SKP2: variants seen among roughly 807,000 people sequenced by gnomAD.
SKP2 encodes S-phase kinase-associated protein 2.
Under a neutral mutation model 51.8 loss-of-function variants are expected in SKP2, and 16 were observed. That is an observed-to-expected ratio of 0.31 (90% CI 0.21 to 0.47). The LOEUF (loss-of-function observed/expected upper bound fraction) is 0.47. Among genes scored for constraint, SKP2 ranks in the 20% least tolerant of loss-of-function variants. The pLI is 1.00. For missense variants in SKP2, 377 were observed against 505.3 expected, an observed-to-expected ratio of 0.75 and a Z score of 2.43; for synonymous variants, 176 against 198.6, an observed-to-expected ratio of 0.89 and a Z score of 0.96.
chr5:36,191,392 C>CTT (rs201765544), intron 6 of SKP2, among the ~76,000 whole-genome samples: 257 of 122,158 alleles, frequency 2.1e-3, no homozygotes, highest in African/African-American at 7.0e-3. Flanking sequence ...TCATCAAGTT[C>CTT]TTTTTTTTTT....
At chr5:36,178,552 T>C (rs1745705087) in intron 9 of SKP2, among the ~76,000 whole-genome samples, 1 of 152,100 alleles carries the variant, frequency 6.6e-6, no homozygotes, top group African/African-American at 2.4e-5. Flanking sequence ...TTTAAATTCA[T>C]GCGCATGAAA....
At chr5:36,186,666 T>A (rs948180235), downstream of SKP2, among the ~76,000 whole-genome samples, 1 of 149,716 alleles carries the variant, frequency 6.7e-6, no homozygotes, top group Non-Finnish European at 1.5e-5. Flanking sequence ...TATTGAGGAT[T>A]TTTGCATTGG....
chr5:36,183,436 T>G lies in SKP2; in HGVS notation c.*1405T>G, dbSNP rs1050050791. On this transcript the variant is annotated 3_prime_UTR_variant, in exon 10 of 10. Transcript: ENST00000274255. ...CGCCCACCACCACGCCCGGCTAATTTTTTTGTATTTTTAGTAGAGACGGGG... is the reference window on the plus strand; with the variant it reads ...CGCCCACCACCACGCCCGGCTAATTGTTTTGTATTTTTAGTAGAGACGGGG... The G allele has an allele frequency of 3.5e-6, 1 of 286,000 alleles. No individual in the cohort carries two copies. The highest frequency in any genetic ancestry group is 6.5e-5 in the Admixed American group (1 of 15,392). 17.7% of individuals were successfully genotyped at this position (286,000 alleles called of 1,614,324 possible).
At chr5:36,177,665 G>A (rs1347753406) in intron 9 of SKP2, among the ~76,000 whole-genome samples, 2 of 150,762 alleles carry the variant, frequency 1.3e-5, no homozygotes, top group Admixed American at 6.6e-5. Flanking sequence ...CAAATTTTTC[G>A]GATTAACTCC....
At chr5:36,166,725 C>CTTTTTTTTTTTTTT (rs3086385) in intron 4 of SKP2, 63 bp downstream of exon 4, 2 of 861,572 alleles carry the variant, frequency 2.3e-6, no homozygotes. Flanking sequence ...CAGATCAAAG[C>CTTTTTTTTTTTTTT]TTTTTTTTTT....
At chr5:36,186,616 A>G (rs560903428), downstream of SKP2, among the ~76,000 whole-genome samples, 1 of 152,222 alleles carries the variant, frequency 6.6e-6, no homozygotes. Context: ...GTGGTGGATA[A>G]GCTTTTTGAT....
At chr5:36,160,215 T>A (rs997152203) in intron 2 of SKP2, among the ~76,000 whole-genome samples, 2 of 152,230 alleles carry the variant, frequency 1.3e-5, no homozygotes, top group African/African-American at 4.8e-5. Context: ...CCAGTAGTCC[T>A]CAAATGTGTT....
At chr5:36,153,477 G>A (rs1039991431) in intron 2 of SKP2, among the ~76,000 whole-genome samples, 1 of 152,092 alleles carries the variant, frequency 6.6e-6, no homozygotes, top group Admixed American at 6.5e-5. Context: ...GTTCACCTAA[G>A]TGGGGGAGAC....
In SKP2 at chr5:36,182,181, A is replaced by G; in HGVS notation, c.*150A>G. On this transcript the variant is annotated 3_prime_UTR_variant, in exon 10 of 10. Coordinates refer to ENST00000274255, the MANE Select transcript of SKP2 (RefSeq NM_005983.4). ...AGGGAGCCATTTGAGAGGGAAAACTATGAAATCTTGCTTTTTGAAATGATT... is the reference window on the plus strand; with the variant it reads ...AGGGAGCCATTTGAGAGGGAAAACTGTGAAATCTTGCTTTTTGAAATGATT... The G allele has an allele frequency of 7.0e-7, 1 of 1,423,452 alleles. No homozygotes were observed. Among genetic ancestry groups the G allele is most frequent in the East Asian group, 2.5e-5 (1 of 39,824 alleles). 88.2% of individuals were successfully genotyped at this position (1,423,452 alleles called of 1,614,324 possible).
At chr5:36,155,109 G>C (rs1187429155) in intron 2 of SKP2, 1 of 152,212 alleles carries the variant, frequency 6.6e-6, no homozygotes, top group African/African-American at 2.4e-5. Context: ...TTGTTTAGTT[G>C]ATTGGTTGGT....
chr5:36,173,134 C>T (rs1431134148), intron 7 of SKP2, among the ~76,000 whole-genome samples: 1 of 151,496 alleles, frequency 6.6e-6, no homozygotes, highest in Non-Finnish European at 1.5e-5. Flanking sequence ...ATGATGTCAT[C>T]ATCAGTGGCT....
intron 7 of SKP2, among the ~76,000 whole-genome samples, chr5:36,174,839 C>G (rs1254866943): frequency 6.6e-6 from 1 of 152,070 alleles, no homozygotes; most frequent in African/African-American, 2.4e-5. Flanking sequence ...CATTCAAGAA[C>G]AAAGGACCAG....
At chr5:36,168,533 GC>G (rs1745367857) in intron 5 of SKP2, 86 bp downstream of exon 5, 1 of 1,285,226 alleles carries the variant, frequency 7.8e-7, no homozygotes, top group Non-Finnish European at 1.1e-6. Flanking sequence ...TGCCCTTCTA[GC>G]CATATCCAGG....
chr5:36,171,758 C>A, intron 7 of SKP2, 25 bp downstream of exon 7: 2 of 1,610,838 alleles, frequency 1.2e-6, no homozygotes, highest in Non-Finnish European at 1.7e-6. Context: ...GCCTGGACCA[C>A]TGAGGCCTTC....
intron 5 of SKP2, among the ~76,000 whole-genome samples, chr5:36,169,501 G>A (rs1745401383): frequency 6.6e-6 from 1 of 152,000 alleles, no homozygotes; most frequent in African/African-American, 2.4e-5. Context: ...AGAATGGAAG[G>A]AACAAGTCAA....
At chr5:36,178,071 T>A (rs374873824) in intron 9 of SKP2, among the ~76,000 whole-genome samples, 19 of 152,300 alleles carry the variant, frequency 1.2e-4, no homozygotes, top group African/African-American at 4.1e-4. Flanking sequence ...ATATCTTGTT[T>A]GAAAAGGTTT....
At chr5:36,168,709 A>G (rs1745374188) in intron 5 of SKP2, among the ~76,000 whole-genome samples, 2 of 152,252 alleles carry the variant, frequency 1.3e-5, no homozygotes, top group South Asian at 4.1e-4. Context: ...TGGGAAGAAA[A>G]TGAATGCTCT....
intron 2 of SKP2, among the ~76,000 whole-genome samples, chr5:36,160,216 C>T (rs908179355): frequency 2.0e-5 from 3 of 152,202 alleles, no homozygotes; most frequent in Admixed American, 6.5e-5. Context: ...CAGTAGTCCT[C>T]AAATGTGTTG....
At chr5:36,171,256 C>T (rs993996632) in intron 6 of SKP2, among the ~76,000 whole-genome samples, 5 of 152,162 alleles carry the variant, frequency 3.3e-5, no homozygotes, top group African/African-American at 1.2e-4. Context: ...GTAAAACATC[C>T]TGAGTGATTG....
Sources: gnomAD v4.1 joint callset for allele counts (sites outside exome capture counted in the v4.1 genomes callset) on GRCh38, gnomAD v4.1.1 for gene constraint, MANE v1.5 for transcripts, NCBI Gene and HGNC (gene_info 2026-07-23, HGNC 2026-07-21) for gene names.